ZNF106: variants seen among roughly 807,000 people sequenced by gnomAD.
ZNF106 encodes the protein zinc finger protein 106.
In ZNF106, 67 loss-of-function variants were observed where a neutral mutation model predicts 195.1. The observed-to-expected ratio is 0.34, with a 90% CI of 0.28 to 0.42. The LOEUF (loss-of-function observed/expected upper bound fraction) is 0.42, where lower values mean the gene tolerates loss of function less well. Ranked by LOEUF, ZNF106 falls within the 10% of genes least tolerant of loss-of-function variation. ZNF106 has a pLI of 1.00. For synonymous variants in ZNF106, 784 were observed against 818.6 expected, an observed-to-expected ratio of 0.96 and a Z score of 0.72; for missense variants, 2,118 against 2,304.5, an observed-to-expected ratio of 0.92 and a Z score of 1.66.
chr15:42,466,798 C>T (rs1201251649), intron 2 of ZNF106, among the ~76,000 whole-genome samples: 3 of 152,142 alleles, frequency 2.0e-5, no homozygotes, highest in Non-Finnish European at 2.9e-5. Flanking sequence ...CCCTTCTTCC[C>T]ATCCTTAGAG....
chr15:42,447,691 C>T (rs2055824117), intron 6 of ZNF106, among the ~76,000 whole-genome samples: 1 of 152,232 alleles, frequency 6.6e-6, no homozygotes, highest in Non-Finnish European at 1.5e-5. Flanking sequence ...ATCCAGCAAT[C>T]ATCCATGCCC....
chr15:42,457,222 C>T (rs1162728575), intron 3 of ZNF106, 64 bp from the exon 4 acceptor site: 8 of 1,611,614 alleles, frequency 5.0e-6, no homozygotes, highest in African/African-American at 1.3e-5. Flanking sequence ...CTCACCAGAT[C>T]TGTTATTGTT....
intron 12 of ZNF106, among the ~76,000 whole-genome samples, chr15:42,438,366 A>C (rs1186985997): frequency 6.6e-6 from 1 of 152,198 alleles, no homozygotes. Flanking sequence ...ACTCCAGCCC[A>C]GGTGACAGAG....
chr15:42,418,041 T>C, intron 20 of ZNF106, 90 bp from the exon 21 acceptor site: 2 of 1,339,068 alleles, frequency 1.5e-6, no homozygotes, highest in South Asian at 1.7e-5. Flanking sequence ...ATAAGCACTA[T>C]GGAAGCAAAA....
chr15:42,459,467 C>T (rs980060270), intron 3 of ZNF106, among the ~76,000 whole-genome samples: 7 of 152,056 alleles, frequency 4.6e-5, no homozygotes, highest in African/African-American at 1.7e-4. Context: ...CAGAGTGAGA[C>T]TCCGTCTCAA....
In ZNF106 at chr15:42,450,569, T is replaced by C. The variant is rs1400674188; in HGVS notation, c.1703A>G (p.His568Arg). Residue 568 changes from histidine to arginine, a missense_variant, in exon 5 of 22, where the codon CAT (histidine) becomes CGT (arginine). Physicochemically the swap from His to Arg is conservative, Grantham distance 29 (BLOSUM62 0). Coordinates refer to ENST00000564754, the MANE Select transcript of ZNF106 (RefSeq NM_001366845.3). Reference protein sequence around the residue: ...LRKAKEVLQCHESLQNPLLST... With the variant: ...LRKAKEVLQCRESLQNPLLST... ...AAGAAGTGGATTTTGCAATGACTCATGACACTGTAGCACCTCTTTGGCCTT... is the reference window on the plus strand; with the variant it reads ...AAGAAGTGGATTTTGCAATGACTCACGACACTGTAGCACCTCTTTGGCCTT... The C allele has an allele frequency of 9.3e-6, 15 of 1,614,100 alleles. No homozygotes were observed. The highest frequency in any genetic ancestry group is 1.3e-5 in the African/African-American group (1 of 74,934).
In ZNF106 at chr15:42,425,021, T is replaced by C. The variant is rs368897834; in HGVS notation, c.5003A>G (p.Asn1668Ser). The change falls in exon 16 of 22, where the codon AAC becomes AGC. Residue 1668 changes from asparagine (N) to serine (S), a missense_variant. Physicochemically the swap from Asn to Ser is conservative, Grantham distance 46. Coordinates refer to ENST00000564754, the MANE Select transcript of ZNF106 (RefSeq NM_001366845.3). ...GTVVTFNIKN[N>S]KRLEIFECHG... is the part of the protein sequence containing the mutation. ...GCATTCAAAGATCTCAAGTCGTTTGTTGTTCTGGAAAATAAGCCAAGATTA... is the reference window on the plus strand; with the variant it reads ...GCATTCAAAGATCTCAAGTCGTTTGCTGTTCTGGAAAATAAGCCAAGATTA... The C allele has an allele frequency of 1.3e-4, 217 of 1,613,694 alleles. No individual in the cohort carries two copies. The highest frequency in any genetic ancestry group is 1.7e-4 in the Non-Finnish European group (205 of 1,179,766).
At chr15:42,479,104 C>T (rs967294608) in intron 1 of ZNF106, among the ~76,000 whole-genome samples, 4 of 152,088 alleles carry the variant, frequency 2.6e-5, no homozygotes, top group Non-Finnish European at 4.4e-5. Context: ...CTAGGAGCTA[C>T]GACTCACGTC....
intron 4 of ZNF106, among the ~76,000 whole-genome samples, chr15:42,455,759 C>CG (rs2097870108): frequency 1.3e-5 from 2 of 152,152 alleles, no homozygotes; most frequent in South Asian, 4.2e-4. Context: ...GAGGTACAGA[C>CG]GGGGTATAAC....
Position 42,414,106 on chromosome 15 carries a change from A to G in ZNF106, c.*3198T>C, listed in dbSNP as rs1483581065. ...AAGTGGCTTCAACTACTTTAAAGAC[A>G]TGAGTCAGTTTTTGTCAGGTCATTT... On this transcript the variant is annotated 3_prime_UTR_variant, in exon 22 of 22. Transcript: ENST00000564754. 1 of 152,214 alleles carries G rather than the reference A, an allele frequency of 6.6e-6. No homozygotes were observed. Among genetic ancestry groups the G allele is most frequent in the Non-Finnish European group, 1.5e-5 (1 of 68,028 alleles). 9.4% of individuals were successfully genotyped at this position (152,214 alleles called of 1,614,324 possible). A position where few individuals can be genotyped will look rare whatever the true frequency, so the allele number is the denominator to read the frequency against.
chr15:42,427,146 T>G (rs183177316), intron 15 of ZNF106, among the ~76,000 whole-genome samples: 244 of 152,306 alleles, frequency 1.6e-3, no homozygotes, highest in African/African-American at 4.8e-3. Context: ...GGATTATATA[T>G]TTCCTCCATT....
At chr15:42,455,639 C>T (rs183715285) in intron 4 of ZNF106, among the ~76,000 whole-genome samples, 6 of 152,290 alleles carry the variant, frequency 3.9e-5, no homozygotes, top group Admixed American at 1.3e-4. Context: ...GCCTCGTCTC[C>T]TCATGCACCA....
chr15:42,453,506 A>G (rs1406715288), intron 4 of ZNF106, among the ~76,000 whole-genome samples: 2 of 152,198 alleles, frequency 1.3e-5, no homozygotes, highest in Admixed American at 1.3e-4. Context: ...ACTGCTAGCT[A>G]AAATTTACTG....
Position 42,415,684 on chromosome 15 carries a change from G to A in ZNF106, c.*1620C>T, listed in dbSNP as rs1331947062. 4 of 220,722 alleles carry A rather than the reference G, an allele frequency of 1.8e-5. No homozygotes were observed. The highest frequency in any genetic ancestry group is 4.9e-5 in the African/African-American group (2 of 40,988). 13.7% of individuals were successfully genotyped at this position (220,722 alleles called of 1,614,324 possible). A position where few individuals can be genotyped will look rare whatever the true frequency, so the allele number is the denominator to read the frequency against. On this transcript the variant is annotated 3_prime_UTR_variant, in exon 22 of 22. Coordinates refer to ENST00000564754, the MANE Select transcript of ZNF106 (RefSeq NM_001366845.3). ...AGAGCATGAGGCACCATGTCCCAAA[G>A]CTTGGTATGTGGCCCTGGGCTCCTC...
At chr15:42,458,312 G>A (rs1012719972) in intron 3 of ZNF106, among the ~76,000 whole-genome samples, 2 of 151,408 alleles carry the variant, frequency 1.3e-5, no homozygotes, top group Non-Finnish European at 1.5e-5. Context: ...ACTAGACATA[G>A]GCAGAATTTA....
intron 10 of ZNF106, 45 bp downstream of exon 10, chr15:42,442,028 G>T: frequency 6.7e-7 from 1 of 1,486,170 alleles, no homozygotes; most frequent in Non-Finnish European, 9.1e-7. Flanking sequence ...AAATGCCCCA[G>T]TCTCACTACT....
intron 1 of ZNF106, among the ~76,000 whole-genome samples, chr15:42,483,085 C>G (rs1481185786): frequency 6.6e-6 from 1 of 152,160 alleles, no homozygotes; most frequent in Non-Finnish European, 1.5e-5. Context: ...AGATCAGGGC[C>G]TGCCCTAAAG....
intron 14 of ZNF106, among the ~76,000 whole-genome samples, chr15:42,430,679 C>G (rs1047253030): frequency 2.0e-5 from 3 of 152,068 alleles, no homozygotes; most frequent in Non-Finnish European, 2.9e-5. Flanking sequence ...ACCACTGCAC[C>G]TGGCTATAGG....
intron 1 of ZNF106, among the ~76,000 whole-genome samples, chr15:42,487,637 T>C (rs1318431419): frequency 6.6e-6 from 1 of 151,704 alleles, no homozygotes; most frequent in Non-Finnish European, 1.5e-5. Flanking sequence ...TGCATGAAAA[T>C]ACAAAACATA....
Sources: gnomAD v4.1 joint callset for allele counts (sites outside exome capture counted in the v4.1 genomes callset) on GRCh38, gnomAD v4.1.1 for gene constraint, MANE v1.5 for transcripts, NCBI Gene and HGNC (gene_info 2026-07-23, HGNC 2026-07-21) for gene names.